The following LONRF3 variants were observed in gnomAD, a reference collection of about 807,000 sequenced individuals.
The protein encoded by LONRF3 is LON peptidase N-terminal domain and ring finger 3.
LONRF3 carries 19 observed loss-of-function variants against 51.7 expected under a neutral mutation model. That is an observed-to-expected ratio of 0.37 (90% CI 0.26 to 0.54). The LOEUF is 0.54. LONRF3 is among the 20% of genes least tolerant of loss of function. The pLI is 0.86. For synonymous variants in LONRF3, 265 were observed against 257.8 expected, an observed-to-expected ratio of 1.03 and a Z score of -0.27; for missense variants, 521 against 623.9, an observed-to-expected ratio of 0.84 and a Z score of 1.76.
chrX:118,981,112 A>G (rs1298253013), intron 2 of LONRF3, among the ~76,000 whole-genome samples: 2 of 111,246 alleles, frequency 1.8e-5, no homozygotes, highest in East Asian at 2.8e-4. Context: ...CAGCCATCCA[A>G]CCAGAGTGTG....
intron 5 of LONRF3, among the ~76,000 whole-genome samples, chrX:118,995,241 G>A (rs1020277164): frequency 5.3e-5 from 6 of 112,176 alleles, no homozygotes; most frequent in South Asian, 7.4e-4. Flanking sequence ...CTGAATGAGC[G>A]TTGTGTCAAA....
At chrX:118,989,018 A>C (rs1923214953) in intron 3 of LONRF3, among the ~76,000 whole-genome samples, 1 of 110,444 alleles carries the variant, frequency 9.1e-6, no homozygotes, top group East Asian at 2.8e-4. Flanking sequence ...GGAACTATTG[A>C]GTGACAGGAT....
At chrX:119,000,550 G>C (rs1045082922) in intron 5 of LONRF3, among the ~76,000 whole-genome samples, 13 of 111,734 alleles carry the variant, frequency 1.2e-4, no homozygotes, top group Admixed American at 1.9e-4. Flanking sequence ...TATTTGCCTC[G>C]TGTGGTTACC....
chrX:118,975,398 T>C lies in LONRF3; in HGVS notation c.618T>C (p.Thr206=). 8.3e-7 allele frequency: 1 copy of C among 1,201,469 alleles called. No individual in the cohort carries two copies. Among genetic ancestry groups the C allele is most frequent in the African/African-American group, 1.7e-5 (1 of 57,436 alleles). Residue 206 remains threonine, a synonymous_variant, in exon 1 of 11, where the codon ACT becomes ACC. Coordinates refer to ENST00000371628, the MANE Select transcript of LONRF3 (RefSeq NM_001031855.3). ...AGCTCTCCGCCTTGATGGTGGCCAC[T>C]GGGCGGGCGCGTGGAGCCCGGCGGG... ...GVKLSALMVA[T]GRARGARRAG...
chrX:118,983,962 C>T (rs968262924), intron 3 of LONRF3, among the ~76,000 whole-genome samples: 12 of 112,056 alleles, frequency 1.1e-4, no homozygotes, highest in South Asian at 3.7e-4. Flanking sequence ...GAGAGGAGCA[C>T]GGTTCGGGGA....
At position 118,975,001 on chromosome X, in the gene LONRF3, C is replaced by T. The variant is rs775719073; in HGVS notation, c.221C>T (p.Ala74Val). Residue 74 changes from alanine (A) to valine (V), a missense_variant, in exon 1 of 11, where the codon GCA becomes GTA. Ala to Val is a moderately conservative substitution (Grantham distance 64, BLOSUM62 0). Transcript: ENST00000371628. ...GAGAGCAAAGTCCTGCTCACGCAGG[C>T]AGACGCCTTGGCGTCCCGGGGGCGA... ...TPESKVLLTQ[A>V]DALASRGRIR... 54 of 1,172,340 alleles carry T rather than the reference C, an allele frequency of 4.6e-5. No individual in the cohort carries two copies. The highest frequency in any genetic ancestry group is 2.3e-4 in the Middle Eastern group (1 of 4,306).
At chrX:119,000,239 G>T (rs190569351) in intron 5 of LONRF3, among the ~76,000 whole-genome samples, 20 of 112,212 alleles carry the variant, frequency 1.8e-4, no homozygotes, top group Non-Finnish European at 1.9e-5. Context: ...TACTACTTGT[G>T]CAAGATTTTA....
chrX:119,005,849 G>A (rs1157620296), intron 5 of LONRF3, among the ~76,000 whole-genome samples: 1 of 111,147 alleles, frequency 9.0e-6, no homozygotes, highest in African/African-American at 3.3e-5. Flanking sequence ...GGACCAGACA[G>A]GGCAAAAAAT....
chrX:118,977,214 C>G (rs1052312615), intron 1 of LONRF3, among the ~76,000 whole-genome samples: 1 of 110,738 alleles, frequency 9.0e-6, no homozygotes, highest in Admixed American at 9.5e-5. Context: ...GAAGCTAGAT[C>G]CCAGATCTTG....
At chrX:119,016,756 G>GA (rs1925492259) in intron 10 of LONRF3, among the ~76,000 whole-genome samples, 1 of 111,926 alleles carries the variant, frequency 8.9e-6, no homozygotes. Flanking sequence ...GGGGAGAAGA[G>GA]AGCTATGGCC....
At position 118,989,654 on chromosome X, in the gene LONRF3, A is replaced by G. The variant is rs755608921; in HGVS notation, c.1306A>G (p.Asn436Asp). 1 of 1,210,079 alleles carries G rather than the reference A, an allele frequency of 8.3e-7. No individual in the cohort carries two copies. Among genetic ancestry groups the G allele is most frequent in the Non-Finnish European group, 1.1e-6 (1 of 894,773 alleles). The change falls in exon 4 of 11, where the codon AAT (asparagine) becomes GAT (aspartate). Residue 436 changes from asparagine (N) to aspartate (D), a missense_variant. Around this residue, in one of 2 missense-constraint regions of LONRF3, gnomAD observed 376 missense variants for 376.7 expected, o/e 1.00. Coordinates refer to ENST00000371628, the MANE Select transcript of LONRF3 (RefSeq NM_001031855.3). ...IESQEETGMP[N>D]KASKQDPPTD... ...ATCCCAAGAAGAAACGGGGATGCCT[A>G]ATAAAGCCTCCAAGCAAGGTACTGG... is the stretch of plus-strand genomic sequence containing the variant.
intron 8 of LONRF3, 30 bp downstream of exon 8, chrX:119,012,003 G>A (rs780070891): frequency 4.2e-6 from 5 of 1,203,704 alleles, no homozygotes; most frequent in Non-Finnish European, 5.6e-6. Flanking sequence ...AGCAAAGGGA[G>A]GTTGTGTAAT....
intron 3 of LONRF3, among the ~76,000 whole-genome samples, chrX:118,983,550 G>A (rs751535492): frequency 1.1e-4 from 12 of 112,740 alleles, no homozygotes; most frequent in Admixed American, 1.9e-4. Flanking sequence ...GAATGTGGTA[G>A]TTATAAAAGA....
chrX:119,006,398 C>CTTT (rs1042593971), intron 6 of LONRF3, among the ~76,000 whole-genome samples, 163 bp downstream of exon 6: 930 of 86,628 alleles, frequency 0.011, 34 homozygotes, highest in African/African-American at 0.038. Flanking sequence ...CTCCTGTCTT[C>CTTT]TTTTTTTTTT....
chrX:118,979,275 T>A (rs1488426500), intron 2 of LONRF3, among the ~76,000 whole-genome samples: 3 of 109,397 alleles, frequency 2.7e-5, no homozygotes, highest in Non-Finnish European at 5.7e-5. Context: ...AGTGCTGGGA[T>A]TACAGGCGTG....
chrX:118,974,996 G>T lies in LONRF3; in HGVS notation c.216G>T (p.Thr72=), dbSNP rs769815680. 9 of 1,172,245 alleles carry T rather than the reference G, an allele frequency of 7.7e-6. No homozygotes were observed. The highest frequency in any genetic ancestry group is 2.5e-5 in the Admixed American group (1 of 39,766). ...TSTPESKVLL[T]QADALASRGR... Reference sequence around the variant, plus strand: ...CGCCGGAGAGCAAAGTCCTGCTCACGCAGGCAGACGCCTTGGCGTCCCGGG... The same window carrying T: ...CGCCGGAGAGCAAAGTCCTGCTCACTCAGGCAGACGCCTTGGCGTCCCGGG... Residue 72 remains threonine (T), a synonymous_variant, in exon 1 of 11, where the codon ACG becomes ACT. Coordinates refer to ENST00000371628, the MANE Select transcript of LONRF3 (RefSeq NM_001031855.3).
chrX:118,975,511 C>T lies in LONRF3; in HGVS notation c.731C>T (p.Ser244Leu). 8.3e-7 allele frequency: 1 copy of T among 1,204,987 alleles called. No homozygotes were observed. Among genetic ancestry groups the T allele is most frequent in the Non-Finnish European group, 1.1e-6 (1 of 893,088 alleles). Residue 244 changes from serine (S) to leucine (L), a missense_variant, in exon 1 of 11, where the codon TCG (serine) becomes TTG (leucine). Ser to Leu is a moderately radical substitution (Grantham distance 145). Coordinates refer to ENST00000371628, the MANE Select transcript of LONRF3 (RefSeq NM_001031855.3). ...TTGTTTCCAGGCCCAGCGCGAGCGT[C>T]GCAACTCCGGCACGAGGGCAACCGA... ...GKLFPGPARA[S>L]QLRHEGNRLY...
At chrX:118,987,104 G>T in intron 3 of LONRF3, 1 of 1,128,814 alleles carries the variant, frequency 8.9e-7, no homozygotes, top group Non-Finnish European at 1.2e-6. Flanking sequence ...CACCCAGCTC[G>T]CTCGTGACGC....
chrX:118,989,772 G>T (rs953235646), intron 4 of LONRF3, 100 bp downstream of exon 4: 55 of 924,453 alleles, frequency 5.9e-5, no homozygotes, highest in Middle Eastern at 4.2e-4. Flanking sequence ...CTTAGGCTCT[G>T]GGTGTGGGGC....
Sources: allele counts gnomAD v4.1 joint callset (sites outside exome capture counted in the v4.1 genomes callset), GRCh38; gene constraint gnomAD v4.1.1; regional missense constraint gnomAD v4.1.1; transcripts MANE v1.5; gene names NCBI Gene and HGNC (gene_info 2026-07-23, HGNC 2026-07-21).